The following LAMP2 variants were observed in gnomAD, a reference collection of about 807,000 sequenced individuals.
The protein encoded by LAMP2 is lysosome associated membrane protein 2, also known as lysosome-associated membrane glycoprotein 2.
A neutral mutation model predicts 25.6 loss-of-function variants in LAMP2; 4 were observed. That is an observed-to-expected ratio of 0.16 (90% CI 0.08 to 0.36). The LOEUF is 0.36. Ranked by LOEUF, LAMP2 falls within the 10% of genes least tolerant of loss-of-function variation. The pLI, the probability that LAMP2 is intolerant of heterozygous loss-of-function variation, is 1.00. For missense variants in LAMP2, 272 were observed against 301.4 expected (o/e 0.90, Z 0.72); for synonymous variants, 108 against 112.7 (o/e 0.96, Z 0.27).
chrX:120,445,058 C>G (rs1242122963), intron 6 of LAMP2, among the ~76,000 whole-genome samples: 2 of 112,177 alleles, frequency 1.8e-5, no homozygotes, highest in African/African-American at 6.5e-5. Flanking sequence ...AATCATGTTC[C>G]TTTTAGGAGT....
chrX:120,457,013 T>G (rs1254163176), intron 1 of LAMP2, among the ~76,000 whole-genome samples: 1 of 111,220 alleles, frequency 9.0e-6, no homozygotes, highest in African/African-American at 3.3e-5. Context: ...GATAAAAAAG[T>G]TGGCATTATC....
At chrX:120,457,424 G>A (rs898759896) in intron 1 of LAMP2, among the ~76,000 whole-genome samples, 1 of 112,241 alleles carries the variant, frequency 8.9e-6, no homozygotes, top group African/African-American at 3.2e-5. Flanking sequence ...GCAAAGGGCT[G>A]TTAAATCCAT....
At chrX:120,453,774 C>T (rs767143687) in intron 3 of LAMP2, among the ~76,000 whole-genome samples, 1 of 112,403 alleles carries the variant, frequency 8.9e-6, no homozygotes, top group South Asian at 3.7e-4. Flanking sequence ...GGCCACTGCA[C>T]TCCAGCCTGG....
chrX:120,435,592 G>C (rs2058539641), intron 8 of LAMP2, among the ~76,000 whole-genome samples: 1 of 111,938 alleles, frequency 8.9e-6, no homozygotes, highest in African/African-American at 3.3e-5. Context: ...AAAATACTAA[G>C]ATGTATGAAA....
intron 5 of LAMP2, among the ~76,000 whole-genome samples, chrX:120,446,732 C>T (rs777840381): frequency 4.5e-5 from 5 of 111,274 alleles, no homozygotes; most frequent in African/African-American, 6.6e-5. Flanking sequence ...TCCTGGAAAT[C>T]GGATTTGTTT....
intron 6 of LAMP2, among the ~76,000 whole-genome samples, chrX:120,445,214 G>A (rs942507412): frequency 2.7e-5 from 3 of 111,814 alleles, no homozygotes; most frequent in African/African-American, 9.8e-5. Context: ...TACTGGAGAG[G>A]ACAAATTCAA....
chrX:120,444,231 A>C (rs1233187107), intron 6 of LAMP2, among the ~76,000 whole-genome samples: 6 of 110,950 alleles, frequency 5.4e-5, no homozygotes, highest in African/African-American at 2.0e-4. Flanking sequence ...GGCAATGGGG[A>C]GTAAAAGCTA....
chrX:120,441,853 G>A lies in LAMP2; in HGVS notation c.970C>T (p.Pro324Ser), dbSNP rs866736614. The A allele has an allele frequency of 1.7e-5, 21 of 1,209,996 alleles. No individual in the cohort carries two copies. The highest frequency in any genetic ancestry group is 2.3e-5 in the Non-Finnish European group (21 of 894,026). ...ANNNLSYWDA[P>S]LGSSYMCNKE... ...TTGCACATATAAGAACTTCCCAGGGGGGCATCCCAGTAGCTGAGATTGTTA... is the reference window on the plus strand; with the variant it reads ...TTGCACATATAAGAACTTCCCAGGGAGGCATCCCAGTAGCTGAGATTGTTA... Residue 324 changes from proline (P) to serine (S), a missense_variant, in exon 8 of 9, where the codon CCC becomes TCC. Transcript: ENST00000200639.
chrX:120,429,973 G>C lies in LAMP2; in HGVS notation c.*1350C>G, dbSNP rs1158260092. The C allele has an allele frequency of 1.3e-6, 1 of 752,338 alleles. No homozygotes were observed. Among genetic ancestry groups the C allele is most frequent in the Admixed American group, 8.8e-5 (1 of 11,424 alleles). The allele number at this position is 752,338 out of a possible 1,213,427, so 62.0% of individuals were successfully genotyped here. ...TACCATTCATAAAAATGTTGCTACG[G>C]TTCTGAGTACACAACACTCATCTCA... On this transcript the variant is annotated 3_prime_UTR_variant, in exon 9 of 9. Transcript: ENST00000200639.
At chrX:120,436,545 AACAG>A (rs1206385197) in intron 8 of LAMP2, 2 of 730,518 alleles carry the variant, frequency 2.7e-6, no homozygotes, top group South Asian at 7.0e-5. Flanking sequence ...ATTTTGAGCA[AACAG>A]ACAGGCAAAT....
intron 2 of LAMP2, 83 bp downstream of exon 2, chrX:120,456,568 T>C (rs1921101796): frequency 4.2e-6 from 2 of 478,677 alleles, no homozygotes; most frequent in Admixed American, 3.7e-5. Flanking sequence ...ACGTGGAATT[T>C]CATTTGTATA....
chrX:120,437,490 G>T (rs1699989440), intron 8 of LAMP2: 1 of 748,783 alleles, frequency 1.3e-6, no homozygotes, highest in Middle Eastern at 7.6e-4. Flanking sequence ...TTTAATATTT[G>T]CTCAGCCATT....
Position 120,430,683 on chromosome X carries a change from A to G in LAMP2, c.*640T>C. 1.3e-6 allele frequency: 1 copy of G among 754,213 alleles called. No homozygotes were observed. Among genetic ancestry groups the G allele is most frequent in the Non-Finnish European group, 1.6e-6 (1 of 639,151 alleles). The allele number at this position is 754,213 out of a possible 1,213,427, so 62.2% of individuals were successfully genotyped here. ...TGTTGTAGCCTCTTGGGTCTGTATC[A>G]TCCCTAGGGAAAAATCACAGGCTTG... On this transcript the variant is annotated 3_prime_UTR_variant, in exon 9 of 9. Transcript: ENST00000200639.
Position 120,438,844 on chromosome X carries a change from AT to A in LAMP2, c.1093+2885del, listed in dbSNP as rs1276996865. 7 of 856,843 alleles carry A rather than the reference AT, an allele frequency of 8.2e-6. No homozygotes were observed. The East Asian group carries it at 5.4e-4, about 66-fold the overall frequency. 70.6% of individuals were successfully genotyped at this position (856,843 alleles called of 1,213,427 possible). A position where few individuals can be genotyped will look rare whatever the true frequency, so the allele number is the denominator to read the frequency against. ...AAAAATTGTTTTTTCTAAACGGTGT[AT>A]TTTTAGTCTGAATGTCTAAAATGAA... On this transcript the variant is annotated intron_variant, in intron 8 of 8. Coordinates refer to ENST00000200639, the MANE Select transcript of LAMP2 (RefSeq NM_002294.3).
rs199756350 is a variant in LAMP2, at chrX:120,437,837, TTTTG to T, written c.1093+3889_1093+3892del. ...CCAAGACTTTTTGGTTAGATGCAAG[TTTTG>T]TTTGTTTGTTTGTTTTGTTTTGTTT... On this transcript the variant is annotated intron_variant, in intron 8 of 8. Coordinates refer to ENST00000200639, the MANE Select transcript of LAMP2 (RefSeq NM_002294.3). 333 of 741,889 alleles carry T rather than the reference TTTTG, an allele frequency of 4.5e-4. No homozygotes were observed. The African/African-American group carries it at 6.8e-3, about 15-fold the overall frequency. 61.1% of individuals were successfully genotyped at this position (741,889 alleles called of 1,213,427 possible).
intron 4 of LAMP2, among the ~76,000 whole-genome samples, chrX:120,448,350 A>G (rs886475896): frequency 2.7e-5 from 3 of 112,328 alleles, no homozygotes; most frequent in African/African-American, 9.7e-5. Flanking sequence ...CTCTGATACG[A>G]AATTCAGAGA....
At chrX:120,442,410 A>T in intron 7 of LAMP2, among the ~76,000 whole-genome samples, 189 bp downstream of exon 7, 1 of 111,273 alleles carries the variant, frequency 9.0e-6, no homozygotes, top group East Asian at 2.8e-4. Flanking sequence ...ACTTTGAAAA[A>T]ATGGGATACA....
chrX:120,445,399 C>T (rs901695523), intron 6 of LAMP2, among the ~76,000 whole-genome samples: 5 of 112,460 alleles, frequency 4.4e-5, no homozygotes, highest in Non-Finnish European at 9.4e-5. Flanking sequence ...CTCAAAATAC[C>T]AAGATCACAT....
At chrX:120,436,081 G>C (rs2058541600) in intron 8 of LAMP2, among the ~76,000 whole-genome samples, 1 of 107,567 alleles carries the variant, frequency 9.3e-6, no homozygotes, top group Non-Finnish European at 1.9e-5. Context: ...AAATATTCTA[G>C]ATCACTGGTT....
Sources: gnomAD v4.1 joint callset for allele counts (sites outside exome capture counted in the v4.1 genomes callset) on GRCh38, gnomAD v4.1.1 for gene constraint, MANE v1.5 for transcripts, NCBI Gene and HGNC (gene_info 2026-07-23, HGNC 2026-07-21) for gene names.